LRCH2: variants seen among roughly 807,000 people sequenced by gnomAD.
LRCH2 encodes leucine rich repeats and calponin homology domain containing 2, also known as leucine-rich repeat and calponin homology domain-containing protein 2.
In LRCH2, 38 loss-of-function variants were observed where a neutral mutation model predicts 68.9. That is an observed-to-expected ratio of 0.55 (90% CI 0.43 to 0.72). The LOEUF (loss-of-function observed/expected upper bound fraction) is 0.72, where lower values mean the gene tolerates loss of function less well. Among genes scored for constraint, LRCH2 ranks in the 30% least tolerant of loss-of-function variants. The probability of loss-of-function intolerance (pLI) is 0.00; values close to 1 mark genes in which losing one functional copy is unlikely to be tolerated. For missense variants in LRCH2, 528 were observed against 572.9 expected (o/e 0.92, Z 0.80); for synonymous variants, 191 against 208.1 (o/e 0.92, Z 0.71).
chrX:115,151,388 G>T (rs1415724385), intron 12 of LRCH2, among the ~76,000 whole-genome samples: 3 of 110,635 alleles, frequency 2.7e-5, no homozygotes, highest in Admixed American at 1.9e-4. Flanking sequence ...TACACTGAAA[G>T]AAAGAATAAA....
At chrX:115,125,796 TTAAAG>T (rs2072195370) in intron 16 of LRCH2, among the ~76,000 whole-genome samples, 2 of 105,967 alleles carry the variant, frequency 1.9e-5, no homozygotes, top group Admixed American at 2.1e-4. Context: ...TACTTGTAAC[TTAAAG>T]TAAAAGAATT....
intron 11 of LRCH2, among the ~76,000 whole-genome samples, chrX:115,158,111 T>C (rs1347900642): frequency 4.5e-5 from 5 of 111,860 alleles, no homozygotes; most frequent in African/African-American, 1.6e-4. Flanking sequence ...TTACTAGTAC[T>C]TATTTTAAGT....
At chrX:115,143,203 G>C (rs782500059) in intron 14 of LRCH2, among the ~76,000 whole-genome samples, 3 of 111,438 alleles carry the variant, frequency 2.7e-5, no homozygotes, top group Non-Finnish European at 5.7e-5. Context: ...CAAAAATATG[G>C]TTTACTGAGA....
intron 10 of LRCH2, 63 bp downstream of exon 10, chrX:115,165,342 T>C: frequency 1.3e-6 from 1 of 791,137 alleles, no homozygotes; most frequent in Non-Finnish European, 1.8e-6. Context: ...CTCTTTCAAG[T>C]AGGAATATCT....
chrX:115,210,009 G>A (rs67788750), intron 1 of LRCH2, among the ~76,000 whole-genome samples: 51,282 of 109,754 alleles, frequency 0.47, 10,336 homozygotes, highest in East Asian at 0.75. Context: ...CTTAGGTGCC[G>A]TTAAAAGCAC....
intron 14 of LRCH2, among the ~76,000 whole-genome samples, chrX:115,131,482 C>A (rs1192579585): frequency 1.8e-5 from 2 of 111,653 alleles, no homozygotes; most frequent in African/African-American, 3.3e-5. Flanking sequence ...ATATGTGCCA[C>A]ATTTTCTTAA....
chrX:115,195,805 G>A (rs782146345), intron 1 of LRCH2, among the ~76,000 whole-genome samples: 19 of 111,622 alleles, frequency 1.7e-4, no homozygotes, highest in African/African-American at 5.9e-4. Flanking sequence ...GGCCACAGCA[G>A]AGCACCCTGA....
intron 14 of LRCH2, among the ~76,000 whole-genome samples, chrX:115,149,522 A>C (rs1183941222): frequency 8.9e-6 from 1 of 112,073 alleles, no homozygotes; most frequent in Non-Finnish European, 1.9e-5. Context: ...CCAATGAAAG[A>C]CTTTTCCTGG....
chrX:115,143,505 G>C (rs1480178935), intron 14 of LRCH2, among the ~76,000 whole-genome samples: 1 of 111,293 alleles, frequency 9.0e-6, no homozygotes, highest in Non-Finnish European at 1.9e-5. Context: ...TCCCAGGAAA[G>C]AAATGCCTGG....
chrX:115,162,117 C>T (rs1446989225), intron 11 of LRCH2, among the ~76,000 whole-genome samples: 1 of 109,590 alleles, frequency 9.1e-6, no homozygotes, highest in Non-Finnish European at 1.9e-5. Flanking sequence ...GACGGGGTTT[C>T]GCCATGTTGC....
intron 20 of LRCH2, among the ~76,000 whole-genome samples, chrX:115,122,304 G>T (rs2072150996): frequency 9.1e-6 from 1 of 110,449 alleles, no homozygotes; most frequent in Non-Finnish European, 1.9e-5. Flanking sequence ...TGATGTGCAT[G>T]ATTTTCCATA....
chrX:115,174,113 C>T (rs1486387965), intron 5 of LRCH2, among the ~76,000 whole-genome samples: 3 of 110,795 alleles, frequency 2.7e-5, no homozygotes, highest in Non-Finnish European at 3.8e-5. Context: ...ATGCCCCTAA[C>T]CCTCATGTTG....
At chrX:115,230,512 G>A (rs2073146230) in intron 1 of LRCH2, among the ~76,000 whole-genome samples, 1 of 111,145 alleles carries the variant, frequency 9.0e-6, no homozygotes, top group Non-Finnish European at 1.9e-5. Context: ...AAAGGGAGGA[G>A]GCAAGTGAAG....
In LRCH2 at chrX:115,225,415, T is replaced by C. The variant is rs186158510; in HGVS notation, c.349+8278A>G. On this transcript the variant is annotated intron_variant, in intron 1 of 20. Coordinates refer to ENST00000317135, the MANE Select transcript of LRCH2 (RefSeq NM_020871.4). ...GATGGATCTGAAAAAAGATAATCCA[T>C]ATGTAAAAACAGGAACATGGAACTC... 1.4e-4 allele frequency among the ~76,000 whole-genome samples: 16 copies of C among 111,540 alleles called. No individual in the cohort carries two copies. In the East Asian group the frequency reaches 2.8e-3, roughly 20 times the overall value.
intron 20 of LRCH2, among the ~76,000 whole-genome samples, chrX:115,122,209 A>C: frequency 9.1e-6 from 1 of 110,124 alleles, no homozygotes; most frequent in East Asian, 2.8e-4. Flanking sequence ...TCTAGCAAAA[A>C]AAAAAAAAAA....
intron 14 of LRCH2, among the ~76,000 whole-genome samples, chrX:115,137,216 G>A (rs1238924888): frequency 1.8e-5 from 2 of 111,259 alleles, no homozygotes; most frequent in African/African-American, 3.3e-5. Flanking sequence ...GCCTGGGCAA[G>A]AAAGTATGAG....
intron 5 of LRCH2, among the ~76,000 whole-genome samples, chrX:115,174,296 A>C (rs191960993): frequency 1.8e-5 from 2 of 110,942 alleles, no homozygotes; most frequent in African/African-American, 6.6e-5. Flanking sequence ...TCAGCATGAT[A>C]TACATTAGGT....
chrX:115,188,339 A>G lies in LRCH2; in HGVS notation c.381T>C (p.Pro127=), dbSNP rs1556555359. 8.4e-7 allele frequency: 1 copy of G among 1,190,773 alleles called. No individual in the cohort carries two copies. Among genetic ancestry groups the G allele is most frequent in the South Asian group, 1.9e-5 (1 of 52,286 alleles). ...DLSRNRFTEI[P]SDVWLFAPLE... is the part of the protein sequence containing the mutation. ...GGGGTGCAAATAACCAGACATCAGA[A>G]GGAATTTCTGTAAAACGATTTCTGG... The change falls in exon 2 of 21, where the codon CCT becomes CCC. Residue 127 remains proline, a synonymous_variant. Coordinates refer to ENST00000317135, the MANE Select transcript of LRCH2 (RefSeq NM_020871.4).
chrX:115,173,098 G>A (rs1603057319), intron 5 of LRCH2, among the ~76,000 whole-genome samples: 1 of 111,245 alleles, frequency 9.0e-6, no homozygotes, highest in African/African-American at 3.3e-5. Flanking sequence ...GCACTCCTAT[G>A]AATATGCTCC....
Sources: allele counts gnomAD v4.1 joint callset (sites outside exome capture counted in the v4.1 genomes callset), GRCh38; gene constraint gnomAD v4.1.1; transcripts MANE v1.5; gene names NCBI Gene and HGNC (gene_info 2026-07-23, HGNC 2026-07-21).